PGM3: variants seen among roughly 807,000 people sequenced by gnomAD.
PGM3 encodes the protein phosphoglucomutase 3.
A neutral mutation model predicts 66.2 loss-of-function variants in PGM3; 40 were observed. That is an observed-to-expected ratio of 0.60 (90% CI 0.47 to 0.79). The LOEUF (loss-of-function observed/expected upper bound fraction) is 0.79, where lower values mean the gene tolerates loss of function less well. PGM3 is among the 30% of genes least tolerant of loss of function. The pLI, the probability that PGM3 is intolerant of heterozygous loss-of-function variation, is 0.00. For missense variants in PGM3, 537 were observed against 643.4 expected (o/e 0.83, Z 1.79); for synonymous variants, 191 against 224.2 (o/e 0.85, Z 1.32).
At chr6:83,173,755 G>A (rs1160111806) in intron 10 of PGM3, among the ~76,000 whole-genome samples, 2 of 152,024 alleles carry the variant, frequency 1.3e-5, no homozygotes, top group African/African-American at 4.8e-5. Context: ...GTTTGTTTTT[G>A]AGACAGAGTC....
chr6:83,191,999 G>C (rs1423378665), intron 1 of PGM3, among the ~76,000 whole-genome samples: 1 of 146,728 alleles, frequency 6.8e-6, no homozygotes, highest in East Asian at 2.0e-4. Flanking sequence ...AGGTGAGGTG[G>C]CTCAGGCCTG....
chr6:83,162,895 A>G, downstream of PGM3: 2 of 1,612,996 alleles, frequency 1.2e-6, no homozygotes, highest in Non-Finnish European at 1.7e-6. Flanking sequence ...TACGACTAGC[A>G]AAACTTCTTC....
chr6:83,162,687 T>G (rs1435017760), downstream of PGM3: 2 of 1,323,346 alleles, frequency 1.5e-6, no homozygotes, highest in Middle Eastern at 1.9e-4. Context: ...ATTTGAATTT[T>G]TATAAGCAGT....
chr6:83,158,341 C>G (rs1467158828), downstream of PGM3, among the ~76,000 whole-genome samples: 1 of 152,120 alleles, frequency 6.6e-6, no homozygotes, highest in Non-Finnish European at 1.5e-5. Context: ...TCCATAATCA[C>G]TAAAAACAAA....
the PGM3 span, chr6:83,153,523 CT>C: frequency 6.3e-7 from 1 of 1,598,980 alleles, no homozygotes; most frequent in African/African-American, 1.3e-5. Flanking sequence ...TTTGGCTCAT[CT>C]TTTGGATATG....
rs1785318001 is a variant in PGM3 at position 83,165,667 on chromosome 6, G to A, written c.*3567C>T. On this transcript the variant is annotated 3_prime_UTR_variant, in exon 13 of 13. Transcript: ENST00000513973. ...CAATTTCCCTGCAAAACGTTGCTGA[G>A]ATGCCTAAAGAAGTGGTAGTTTGTT... 4.9e-6 allele frequency: 1 copy of A among 203,596 alleles called. No homozygotes were observed. The highest frequency in any genetic ancestry group is 2.3e-5 in the African/African-American group (1 of 42,980). The allele number at this position is 203,596 out of a possible 1,614,324, so 12.6% of individuals were successfully genotyped here. A position where few individuals can be genotyped will look rare whatever the true frequency, so the allele number is the denominator to read the frequency against.
At chr6:83,157,459 A>C, downstream of PGM3, 1 of 879,446 alleles carries the variant, frequency 1.1e-6, no homozygotes, top group Non-Finnish European at 1.8e-6. Flanking sequence ...TTTACAGTTG[A>C]AAATAGTAAA....
At chr6:83,152,349 A>C in the PGM3 span, 75 of 1,546,380 alleles carry the variant, frequency 4.9e-5, no homozygotes, top group Admixed American at 1.4e-3. Flanking sequence ...GTGTCCATGC[A>C]TTGACATTAC....
downstream of PGM3, chr6:83,162,903 T>C: frequency 6.2e-7 from 1 of 1,612,724 alleles, no homozygotes. Flanking sequence ...GCAAAACTTC[T>C]TCGGAAAAGA....
chr6:83,169,602 C>T (rs1786652574), intron 12 of PGM3: 2 of 459,054 alleles, frequency 4.4e-6, no homozygotes, highest in Admixed American at 6.4e-5. Context: ...TTCAATAAAA[C>T]TTTAATCCAC....
In PGM3 at chr6:83,169,087, A is replaced by T; in HGVS notation, c.*147T>A. 6.9e-7 allele frequency: 1 copy of T among 1,441,166 alleles called. No homozygotes were observed. The highest frequency in any genetic ancestry group is 1.5e-5 in the South Asian group (1 of 67,060). The allele number at this position is 1,441,166 out of a possible 1,614,324, so 89.3% of individuals were successfully genotyped here. ...CCTATTTATAAAGAATTATTCTGTT[A>T]GTGTTTAAGAAAAACAGATCTAGAG... is the stretch of plus-strand genomic sequence containing the variant. On this transcript the variant is annotated 3_prime_UTR_variant, in exon 13 of 13. Transcript: ENST00000513973.
At chr6:83,158,071 T>C (rs1783225625), downstream of PGM3, among the ~76,000 whole-genome samples, 1 of 152,092 alleles carries the variant, frequency 6.6e-6, no homozygotes, top group Non-Finnish European at 1.5e-5. Context: ...AGATCTCAGC[T>C]CACTGCAAGC....
At position 83,165,856 on chromosome 6, in the gene PGM3, C is replaced by T; in HGVS notation, c.*3378G>A. ...GCTGCAGGCATTGCAGTTTTTGGTG[C>T]ATCTCATTGATTTGCTGAGCATACT... On this transcript the variant is annotated 3_prime_UTR_variant, in exon 13 of 13. Coordinates refer to ENST00000513973, the MANE Select transcript of PGM3 (RefSeq NM_015599.3). The T allele has an allele frequency of 2.9e-6, 1 of 342,922 alleles. No individual in the cohort carries two copies. The highest frequency in any genetic ancestry group is 5.8e-6 in the Non-Finnish European group (1 of 172,810). The allele number at this position is 342,922 out of a possible 1,614,324, so 21.2% of individuals were successfully genotyped here. A position where few individuals can be genotyped will look rare whatever the true frequency, so the allele number is the denominator to read the frequency against.
At chr6:83,149,071 C>T in the PGM3 span, among the ~76,000 whole-genome samples, 49 of 151,636 alleles carry the variant, frequency 3.2e-4, 1 homozygote, top group East Asian at 8.3e-3. Context: ...TATGTTTATA[C>T]ATATACAAAA....
chr6:83,169,116 A>G lies in PGM3; in HGVS notation c.*118T>C. 1.3e-6 allele frequency: 2 copies of G among 1,506,090 alleles called. No individual in the cohort carries two copies. Among genetic ancestry groups the G allele is most frequent in the Non-Finnish European group, 1.8e-6 (2 of 1,128,934 alleles). The allele number at this position is 1,506,090 out of a possible 1,614,324, so 93.3% of individuals were successfully genotyped here. ...TTTAAGAAAAACAGATCTAGAGACA[A>G]TCCAGTAGGCTGCATTGTAAACATT... is the stretch of plus-strand genomic sequence containing the variant. On this transcript the variant is annotated 3_prime_UTR_variant, in exon 13 of 13. Transcript: ENST00000513973.
At chr6:83,153,452 C>A in the PGM3 span, 3 of 1,107,370 alleles carry the variant, frequency 2.7e-6, no homozygotes, top group Non-Finnish European at 3.9e-6. Context: ...AAAATCAGTA[C>A]CTTGGGATGA....
chr6:83,168,127 T>C lies in PGM3; in HGVS notation c.*1107A>G, dbSNP rs775036691. 1.1e-5 allele frequency: 17 copies of C among 1,613,072 alleles called. No individual in the cohort carries two copies. In the Admixed American group the frequency reaches 1.3e-4, roughly 13 times the overall value. On this transcript the variant is annotated 3_prime_UTR_variant, in exon 13 of 13. Transcript: ENST00000513973. ...AAAGCCAGGCAAAAAATAGAAGAGA[T>C]GGTAGAAAAAGATTTTCTGGAAGGG... is the stretch of plus-strand genomic sequence containing the variant.
At chr6:83,153,855 T>C in the PGM3 span, 2 of 1,572,590 alleles carry the variant, frequency 1.3e-6, no homozygotes, top group Non-Finnish European at 1.7e-6. Context: ...ATGATTAAAG[T>C]TAGGACACGT....
At chr6:83,164,696 G>A, downstream of PGM3, 1 of 1,590,456 alleles carries the variant, frequency 6.3e-7, no homozygotes, top group Non-Finnish European at 8.6e-7. Flanking sequence ...GATTTTGGAG[G>A]GATTGGAGAT....
Sources: gnomAD v4.1 joint callset for allele counts (sites outside exome capture counted in the v4.1 genomes callset) on GRCh38, gnomAD v4.1.1 for gene constraint, MANE v1.5 for transcripts, NCBI Gene and HGNC (gene_info 2026-07-23, HGNC 2026-07-21) for gene names.